The following THEMIS variants were observed in gnomAD, a reference collection of about 807,000 sequenced individuals.
The protein encoded by THEMIS is protein THEMIS.
Under a neutral mutation model 52.6 loss-of-function variants are expected in THEMIS, and 37 were observed. The observed-to-expected ratio is 0.70, with a 90% CI of 0.54 to 0.93. The LOEUF is 0.93. THEMIS is among the 40% of genes least tolerant of loss of function. THEMIS has a pLI of 0.00. For missense variants in THEMIS, 808 were observed against 763.1 expected, an observed-to-expected ratio of 1.06 and a Z score of -0.69; for synonymous variants, 292 against 272.7, an observed-to-expected ratio of 1.07 and a Z score of -0.70.
chr6:127,851,007 A>G (rs1779403663), intron 2 of THEMIS, among the ~76,000 whole-genome samples: 1 of 151,734 alleles, frequency 6.6e-6, no homozygotes, highest in Non-Finnish European at 1.5e-5. Flanking sequence ...AATCGTGTCT[A>G]CATAACTAGA....
chr6:127,795,558 G>C (rs964878313), intron 4 of THEMIS, among the ~76,000 whole-genome samples: 1 of 152,104 alleles, frequency 6.6e-6, no homozygotes, highest in Non-Finnish European at 1.5e-5. Flanking sequence ...TCGATCTCCT[G>C]ACCTCGTGAT....
chr6:127,897,736 C>T (rs1447921037), intron 1 of THEMIS, among the ~76,000 whole-genome samples: 3 of 151,456 alleles, frequency 2.0e-5, no homozygotes, highest in Non-Finnish European at 3.0e-5. Context: ...TCATTAGCTT[C>T]CAAGGGTGAA....
chr6:127,849,592 T>C (rs1779348871), intron 2 of THEMIS, among the ~76,000 whole-genome samples: 1 of 151,940 alleles, frequency 6.6e-6, no homozygotes, highest in Non-Finnish European at 1.5e-5. Flanking sequence ...TAAAGCCACA[T>C]ACTTACAGTC....
chr6:127,715,321 G>A (rs941109803), intron 5 of THEMIS, among the ~76,000 whole-genome samples: 2 of 151,900 alleles, frequency 1.3e-5, no homozygotes, highest in Non-Finnish European at 2.9e-5. Context: ...AAAATTATAC[G>A]ATATTTTAAA....
At chr6:127,781,251 A>G (rs116009933) in intron 4 of THEMIS, among the ~76,000 whole-genome samples, 3 of 150,670 alleles carry the variant, frequency 2.0e-5, no homozygotes, top group East Asian at 2.0e-4. Flanking sequence ...TCAGGTCATC[A>G]TGTTCTTCTC....
intron 4 of THEMIS, among the ~76,000 whole-genome samples, chr6:127,766,408 C>A (rs1172375912): frequency 3.9e-5 from 6 of 152,142 alleles, no homozygotes; most frequent in African/African-American, 1.4e-4. Context: ...TTTGATGATA[C>A]TTTTGATACA....
chr6:127,791,510 G>C (rs1463667165), intron 4 of THEMIS, among the ~76,000 whole-genome samples: 3 of 152,176 alleles, frequency 2.0e-5, no homozygotes, highest in Non-Finnish European at 2.9e-5. Context: ...GAGCAGTCAT[G>C]GGAGGCCCCA....
chr6:127,702,514 T>G, the THEMIS span, among the ~76,000 whole-genome samples: 1 of 152,200 alleles, frequency 6.6e-6, no homozygotes, highest in Non-Finnish European at 1.5e-5. Context: ...CTCAGTGTTT[T>G]TTAACACCTC....
intron 3 of THEMIS, among the ~76,000 whole-genome samples, chr6:127,824,036 G>C (rs1437066758): frequency 1.3e-5 from 2 of 152,066 alleles, no homozygotes; most frequent in African/African-American, 4.8e-5. Context: ...ATAGAATTTG[G>C]AGACATAAGA....
At chr6:127,877,031 G>A (rs112066487) in intron 1 of THEMIS, among the ~76,000 whole-genome samples, 1,898 of 152,154 alleles carry the variant, frequency 0.012, 41 homozygotes, top group African/African-American at 0.044. Flanking sequence ...AGTCTATTAA[G>A]TATCCAATAG....
At chr6:127,698,084 T>C in the THEMIS span, among the ~76,000 whole-genome samples, 1 of 152,272 alleles carries the variant, frequency 6.6e-6, no homozygotes, top group East Asian at 1.9e-4. Context: ...TTTTGTGAGA[T>C]AATTATAAAT....
intron 1 of THEMIS, among the ~76,000 whole-genome samples, chr6:127,893,433 A>C (rs1365538872): frequency 6.6e-6 from 1 of 152,144 alleles, no homozygotes; most frequent in Non-Finnish European, 1.5e-5. Flanking sequence ...AGGTTGTGAT[A>C]AAACCTATTT....
At chr6:127,740,311 G>A (rs1309156531) in intron 4 of THEMIS, among the ~76,000 whole-genome samples, 1 of 152,096 alleles carries the variant, frequency 6.6e-6, no homozygotes, top group African/African-American at 2.4e-5. Context: ...GATAGAGAAT[G>A]GAGAAAAAAC....
intron 3 of THEMIS, among the ~76,000 whole-genome samples, chr6:127,818,582 C>CAAA (rs201551010): frequency 1.8e-5 from 2 of 111,008 alleles, no homozygotes; most frequent in African/African-American, 3.4e-5. Flanking sequence ...GTCTGGCTTT[C>CAAA]AAAAAAAAAA....
chr6:127,883,253 A>G (rs1290462408), intron 1 of THEMIS, among the ~76,000 whole-genome samples: 1 of 151,912 alleles, frequency 6.6e-6, no homozygotes, highest in African/African-American at 2.4e-5. Context: ...TAAACTCTTC[A>G]GTAGAGCAGA....
At chr6:127,769,351 TG>T (rs1459137290) in intron 4 of THEMIS, among the ~76,000 whole-genome samples, 1 of 146,862 alleles carries the variant, frequency 6.8e-6, no homozygotes, top group Non-Finnish European at 1.5e-5. Context: ...AGTTTTTTTT[TG>T]TTTTTTTTTT....
In THEMIS at chr6:127,862,428, A is replaced by ATTTTTTTTTTTTTTTTTTTTTTTTTTT. The variant is rs71028110; in HGVS notation, c.92-7241_92-7240insAAAAAAAAAAAAAAAAAAAAAAAAAAA. 4.8e-4 allele frequency among the ~76,000 whole-genome samples: 35 copies of ATTTTTTTTTTTTTTTTTTTTTTTTTTT among 72,786 alleles called. 1 individual carries two copies. The highest frequency in any genetic ancestry group is 7.6e-4 in the African/African-American group (16 of 21,066). The allele number at this position is 72,786 out of a possible 152,430, so 47.8% of individuals were successfully genotyped here. A position where few individuals can be genotyped will look rare whatever the true frequency, so the allele number is the denominator to read the frequency against. On this transcript the variant is annotated intron_variant, in intron 1 of 5. Transcript: ENST00000368248. ...GCAGGTGAAATCTCCTAGGGAGTAA[A>ATTTTTTTTTTTTTTTTTTTTTTTTTTT]TTTTTTTTTTTTTTTTTTTTTTGCT...
chr6:127,853,723 C>T (rs972802687), intron 2 of THEMIS, among the ~76,000 whole-genome samples: 11 of 151,608 alleles, frequency 7.3e-5, no homozygotes, highest in Non-Finnish European at 1.5e-4. Flanking sequence ...CTTTTTTATG[C>T]ACCTTTCTAT....
At chr6:127,839,931 A>G (rs945155354) in intron 2 of THEMIS, among the ~76,000 whole-genome samples, 16 of 152,206 alleles carry the variant, frequency 1.1e-4, no homozygotes, top group Middle Eastern at 3.4e-3. Flanking sequence ...ATGTTTCTAA[A>G]AAAATGGAGA....
Sources: gnomAD v4.1 joint callset for allele counts (sites outside exome capture counted in the v4.1 genomes callset) on GRCh38, gnomAD v4.1.1 for gene constraint, MANE v1.5 for transcripts, NCBI Gene and HGNC (gene_info 2026-07-23, HGNC 2026-07-21) for gene names.